The following CYFIP2 variants were observed in gnomAD, a reference collection of about 807,000 sequenced individuals.
CYFIP2 encodes cytoplasmic FMR1 interacting protein 2.
CYFIP2 carries 29 observed loss-of-function variants against 158.7 expected under a neutral mutation model. The observed-to-expected ratio is 0.18, with a 90% confidence interval of 0.14 to 0.25. CYFIP2 has a LOEUF of 0.25. Among genes scored for constraint, CYFIP2 ranks in the 10% least tolerant of loss-of-function variants. The pLI, the probability that CYFIP2 is intolerant of heterozygous loss-of-function variation, is 1.00. For synonymous variants in CYFIP2, 585 were observed against 617.6 expected, an observed-to-expected ratio of 0.95 and a Z score of 0.78; for missense variants, 852 against 1,639.5, an observed-to-expected ratio of 0.52 and a Z score of 8.29.
intron 26 of CYFIP2, among the ~76,000 whole-genome samples, chr5:157,382,382 T>C (rs1477923539): frequency 6.6e-6 from 1 of 152,214 alleles, no homozygotes; most frequent in Non-Finnish European, 1.5e-5. Context: ...TCACAACCCA[T>C]TAAAATAGGT....
chr5:157,379,981 GGTA>G (rs1765895551), intron 26 of CYFIP2: 1 of 152,196 alleles, frequency 6.6e-6, no homozygotes, highest in African/African-American at 2.4e-5. Context: ...TAATTTGACA[GGTA>G]GGAGCTTAGG....
chr5:157,308,549 G>A (rs1759436217), intron 9 of CYFIP2, among the ~76,000 whole-genome samples: 1 of 152,196 alleles, frequency 6.6e-6, no homozygotes, highest in Admixed American at 6.5e-5. Context: ...GGGCACTGCC[G>A]ACATGGAGCA....
At position 157,359,021 on chromosome 5, in the gene CYFIP2, A is replaced by G. The variant is rs1480245320; in HGVS notation, c.2690A>G (p.Tyr897Cys). 4 of 1,613,994 alleles carry G rather than the reference A, an allele frequency of 2.5e-6. 1 individual carries two copies. In the Middle Eastern group the frequency reaches 4.9e-4, roughly 200 times the overall value. ...GTTTTCCAGCCTCTCAACATTGCCTACAGCCACATCTACAGCTCCTACAGG... is the reference window on the plus strand; with the variant it reads ...GTTTTCCAGCCTCTCAACATTGCCTGCAGCCACATCTACAGCTCCTACAGG... ...LYGSKPLNIAYSHIYSSYRNF... is the reference protein window; with the variant it reads ...LYGSKPLNIACSHIYSSYRNF... Residue 897 changes from tyrosine to cysteine, a missense_variant, in exon 24 of 31, where the codon TAC (tyrosine) becomes TGC (cysteine). Physicochemically the swap from Tyr to Cys is radical, Grantham distance 194. This residue lies in a region of CYFIP2 where 191 missense variants were observed against 311.2 expected (regional missense o/e 0.61). Coordinates refer to ENST00000620254, the MANE Select transcript of CYFIP2 (RefSeq NM_001037333.3).
intron 23 of CYFIP2, among the ~76,000 whole-genome samples, chr5:157,358,463 G>A (rs758542759): frequency 3.3e-5 from 5 of 152,140 alleles, no homozygotes; most frequent in Non-Finnish European, 5.9e-5. Flanking sequence ...ACTAAGGCTC[G>A]AAAACTGTAG....
chr5:157,368,192 G>A (rs1436920544), intron 26 of CYFIP2, among the ~76,000 whole-genome samples: 1 of 152,198 alleles, frequency 6.6e-6, no homozygotes, highest in East Asian at 1.9e-4. Context: ...GGGATGTGAT[G>A]GGTGACAGGG....
At chr5:157,285,991 G>A (rs1757345585) in intron 2 of CYFIP2, among the ~76,000 whole-genome samples, 1 of 152,184 alleles carries the variant, frequency 6.6e-6, no homozygotes, top group South Asian at 2.1e-4. Flanking sequence ...AGTCGGTATA[G>A]CCCCTTGTCT....
intron 1 of CYFIP2, among the ~76,000 whole-genome samples, chr5:157,274,261 C>T (rs1756363936): frequency 6.6e-6 from 1 of 152,148 alleles, no homozygotes; most frequent in African/African-American, 2.4e-5. Flanking sequence ...GCACCACCAC[C>T]TATTTCCCCC....
intron 26 of CYFIP2, among the ~76,000 whole-genome samples, chr5:157,368,906 T>G (rs1308867746): frequency 1.3e-5 from 2 of 151,136 alleles, no homozygotes; most frequent in Admixed American, 6.6e-5. Flanking sequence ...TTTTTTGTTT[T>G]TTTTTTTTTT....
At chr5:157,270,160 CCAGTGATGACTTCAT>C (rs1487432753) in intron 1 of CYFIP2, among the ~76,000 whole-genome samples, 9 of 152,124 alleles carry the variant, frequency 5.9e-5, no homozygotes, top group Non-Finnish European at 1.2e-4. Flanking sequence ...TGAGAAAGAC[CCAGTGATGACTTCAT>C]CAGTAGACCT....
Position 157,330,258 on chromosome 5 carries a change from G to A in CYFIP2, c.2157-484G>A, listed in dbSNP as rs973625635. On this transcript the variant is annotated intron_variant, in intron 19 of 30. Transcript: ENST00000620254. ...ATTTAAAATGTGTGTGTGTGTGTGT[G>A]TGTGTGTGTGTGTGTGTGTGTGTGT... Among the ~76,000 whole-genome samples, 18 of 127,684 alleles carry A rather than the reference G, an allele frequency of 1.4e-4. No individual in the cohort carries two copies. The East Asian group carries it at 3.7e-3, about 26-fold the overall frequency. The allele number at this position is 127,684 out of a possible 152,430, so 83.8% of individuals were successfully genotyped here.
chr5:157,301,914 A>G (rs943611915), intron 6 of CYFIP2, among the ~76,000 whole-genome samples: 4 of 152,180 alleles, frequency 2.6e-5, no homozygotes, highest in Non-Finnish European at 5.9e-5. Context: ...CTGGGCTGCA[A>G]GGTAACTAGA....
intron 28 of CYFIP2, among the ~76,000 whole-genome samples, chr5:157,386,342 C>T (rs573950906): frequency 6.6e-6 from 1 of 152,134 alleles, no homozygotes; most frequent in South Asian, 2.1e-4. Flanking sequence ...CTCAGCCTCC[C>T]GAGAAGCTGG....
At chr5:157,303,142 G>A (rs996693652) in intron 7 of CYFIP2, 7 of 409,980 alleles carry the variant, frequency 1.7e-5, no homozygotes, top group Non-Finnish European at 2.6e-5. Context: ...CATCAGGGTT[G>A]AGAACGTGGG....
At chr5:157,341,938 C>T (rs560323524) in intron 23 of CYFIP2, 2 of 152,408 alleles carry the variant, frequency 1.3e-5, no homozygotes, top group African/African-American at 4.8e-5. Flanking sequence ...ACAGACATGG[C>T]ATTTAACTAA....
In CYFIP2 at chr5:157,389,175, C is replaced by T. The variant is rs1251169150; in HGVS notation, c.3208-14C>T. 1.3e-6 allele frequency: 2 copies of T among 1,596,952 alleles called. No homozygotes were observed. Among genetic ancestry groups the T allele is most frequent in the Non-Finnish European group, 1.7e-6 (2 of 1,169,554 alleles). On this transcript the variant is annotated splice_polypyrimidine_tract_variant and intron_variant, in intron 28 of 30. Transcript: ENST00000620254. ...AGATGTGGATAGAAGGTGTATGTGC[C>T]CTTCTGTTTCCAGCAAATCGCCATT...
intron 23 of CYFIP2, among the ~76,000 whole-genome samples, chr5:157,352,878 G>A (rs1395132834): frequency 6.6e-6 from 1 of 152,222 alleles, no homozygotes; most frequent in African/African-American, 2.4e-5. Flanking sequence ...AGCAGAGGGA[G>A]CTTACACATG....
intron 1 of CYFIP2, among the ~76,000 whole-genome samples, chr5:157,268,064 G>A (rs1755763619): frequency 1.3e-5 from 2 of 152,240 alleles, no homozygotes; most frequent in Non-Finnish European, 2.9e-5. Context: ...TTCCTCGTTG[G>A]CATTGGCTGC....
intron 23 of CYFIP2, chr5:157,343,540 G>T (rs758450078): frequency 6.5e-7 from 1 of 1,543,696 alleles, no homozygotes; most frequent in Non-Finnish European, 8.8e-7. Flanking sequence ...TGTTCATCCC[G>T]ATTCTGGAAC....
At chr5:157,386,243 G>A (rs901582898) in intron 28 of CYFIP2, among the ~76,000 whole-genome samples, 1 of 152,028 alleles carries the variant, frequency 6.6e-6, no homozygotes, top group Admixed American at 6.6e-5. Context: ...ATTGAGACAG[G>A]GTCTTTGCCT....
Sources: gnomAD v4.1 joint callset for allele counts (sites outside exome capture counted in the v4.1 genomes callset) on GRCh38, gnomAD v4.1.1 for gene constraint, gnomAD v4.1.1 regional missense constraint, MANE v1.5 for transcripts, NCBI Gene and HGNC (gene_info 2026-07-23, HGNC 2026-07-21) for gene names.